CHFR: variants seen among roughly 807,000 people sequenced by gnomAD.
CHFR encodes E3 ubiquitin-protein ligase CHFR.
Under a neutral mutation model 87.6 loss-of-function variants are expected in CHFR, and 57 were observed. That is an observed-to-expected ratio of 0.65 (90% CI 0.53 to 0.81). The LOEUF (loss-of-function observed/expected upper bound fraction) is 0.81, where lower values mean the gene tolerates loss of function less well. Among genes scored for constraint, CHFR ranks in the 30% least tolerant of loss-of-function variants. CHFR has a pLI of 0.00. For missense variants in CHFR, 797 were observed against 865.8 expected, an observed-to-expected ratio of 0.92 and a Z score of 1.00; for synonymous variants, 381 against 359.2, an observed-to-expected ratio of 1.06 and a Z score of -0.69.
At position 132,861,571 on chromosome 12, in the gene CHFR, G is replaced by A. The variant is rs780945230; in HGVS notation, c.647C>T (p.Ser216Phe). 7 of 1,614,110 alleles carry A rather than the reference G, an allele frequency of 4.3e-6. No individual in the cohort carries two copies. Among genetic ancestry groups the A allele is most frequent in the East Asian group, 2.2e-5 (1 of 44,888 alleles). ...SGPSVASDEV[S>F]SFASALPDRK... ...GTCTGGGAGAGCTGAGGCAAAGCTG[G>A]AGACTTCATCACTTGCCACAGAGGG... Residue 216 changes from serine (S) to phenylalanine (F), a missense_variant, in exon 7 of 18, where the codon TCC (serine) becomes TTC (phenylalanine). Physicochemically the swap from Ser to Phe is radical, Grantham distance 155. Transcript: ENST00000450056.
intron 6 of CHFR, among the ~76,000 whole-genome samples, 165 bp downstream of exon 6, chr12:132,869,454 A>G (rs1951434351): frequency 6.6e-6 from 1 of 152,150 alleles, no homozygotes; most frequent in Admixed American, 6.5e-5. Flanking sequence ...TTCTCTTGGG[A>G]AGTGAAGGGA....
At chr12:132,862,667 C>A (rs1328257429) in intron 6 of CHFR, among the ~76,000 whole-genome samples, 1 of 151,858 alleles carries the variant, frequency 6.6e-6, no homozygotes, top group Non-Finnish European at 1.5e-5. Context: ...GCAAGCTCCG[C>A]CTCCTGGGTT....
At chr12:132,856,655 A>G in intron 9 of CHFR, 25 bp from the exon 10 acceptor site, 1 of 1,610,986 alleles carries the variant, frequency 6.2e-7, no homozygotes, top group Non-Finnish European at 8.5e-7. Context: ...ACACAGCGCC[A>G]TTCACCGGCA....
intron 6 of CHFR, among the ~76,000 whole-genome samples, chr12:132,864,146 T>A (rs1328196396): frequency 1.3e-5 from 2 of 151,008 alleles, no homozygotes; most frequent in African/African-American, 2.4e-5. Context: ...ATATCTAGCT[T>A]ACAGTATTCA....
At chr12:132,857,118 G>C (rs570201098) in intron 9 of CHFR, among the ~76,000 whole-genome samples, 1 of 134,026 alleles carries the variant, frequency 7.5e-6, no homozygotes, top group African/African-American at 2.9e-5. Flanking sequence ...TCACGTGCCC[G>C]GGTGCTGGTG....
chr12:132,842,791 G>A (rs1312722509), intron 17 of CHFR, among the ~76,000 whole-genome samples: 2 of 152,198 alleles, frequency 1.3e-5, no homozygotes, highest in Non-Finnish European at 2.9e-5. Context: ...TCAGACAACA[G>A]ATAAAGCTAC....
At chr12:132,886,707 A>T (rs1159620319) in intron 2 of CHFR, among the ~76,000 whole-genome samples, 1 of 152,182 alleles carries the variant, frequency 6.6e-6, no homozygotes, top group Admixed American at 6.5e-5. Context: ...TAAGCACTAC[A>T]GCTATAAATT....
At chr12:132,853,597 C>A in intron 10 of CHFR, 24 bp from the exon 11 acceptor site, 1 of 1,518,258 alleles carries the variant, frequency 6.6e-7, no homozygotes, top group South Asian at 1.2e-5. Flanking sequence ...CAGGGCCGAG[C>A]TGTGTGCAGG....
rs373367991 is a variant in CHFR at position 132,885,496 on chromosome 12, A to G, written c.133+1700T>C. Among the ~76,000 whole-genome samples, 36 of 152,256 alleles carry G rather than the reference A, an allele frequency of 2.4e-4. 2 individuals carry two copies. The highest frequency in any genetic ancestry group is 6.8e-3 in the Middle Eastern group (2 of 294). On this transcript the variant is annotated intron_variant, in intron 2 of 17. Coordinates refer to ENST00000450056, the MANE Select transcript of CHFR (RefSeq NM_001161346.2). The stretch of plus-strand genomic sequence containing the variant: ...GCCACCCAGAATGTAGTATTTTGCT[A>G]TGGTAGTATGAACAAACTAATACAA...
Position 132,844,018 on chromosome 12 carries a change from G to C in CHFR, c.1843+9C>G, listed in dbSNP as rs1950756541. ...AACTAGAGCCATGAGGAAGTCGGGG[G>C]CTCCTTACCTGGCAACTCGGAAGCA... is the stretch of plus-strand genomic sequence containing the variant. On this transcript the variant is annotated intron_variant, in intron 16 of 17. Coordinates refer to ENST00000450056, the MANE Select transcript of CHFR (RefSeq NM_001161346.2). 6.3e-7 allele frequency: 1 copy of C among 1,585,430 alleles called. No homozygotes were observed. Among genetic ancestry groups the C allele is most frequent in the Non-Finnish European group, 8.7e-7 (1 of 1,154,006 alleles).
chr12:132,846,566 G>A (rs1025930681), intron 15 of CHFR, among the ~76,000 whole-genome samples: 2 of 151,234 alleles, frequency 1.3e-5, no homozygotes, highest in South Asian at 2.1e-4. Flanking sequence ...CACCACACCC[G>A]GCCCACGCTC....
intron 15 of CHFR, 79 bp downstream of exon 15, chr12:132,846,964 T>C (rs1276124976): frequency 2.0e-6 from 2 of 1,005,656 alleles, no homozygotes; most frequent in Admixed American, 1.8e-5. Context: ...GTCGGAGTTG[T>C]CACTGGGAGA....
chr12:132,864,061 G>A (rs541345009), intron 6 of CHFR, among the ~76,000 whole-genome samples: 1 of 152,142 alleles, frequency 6.6e-6, no homozygotes, highest in African/African-American at 2.4e-5. Flanking sequence ...AGGATTACAG[G>A]TGTGAATAAG....
intron 3 of CHFR, 62 bp downstream of exon 3, chr12:132,877,493 C>T: frequency 8.7e-7 from 1 of 1,148,974 alleles, no homozygotes; most frequent in Non-Finnish European, 1.3e-6. Flanking sequence ...CAGCACAGAG[C>T]ACGAAGTCAG....
At position 132,859,243 on chromosome 12, in the gene CHFR, A is replaced by G; in HGVS notation, c.752-16T>C. The G allele has an allele frequency of 1.2e-6, 2 of 1,608,442 alleles. No individual in the cohort carries two copies. Among genetic ancestry groups the G allele is most frequent in the African/African-American group, 2.7e-5 (2 of 74,930 alleles). On this transcript the variant is annotated splice_polypyrimidine_tract_variant and intron_variant, in intron 7 of 17. Coordinates refer to ENST00000450056, the MANE Select transcript of CHFR (RefSeq NM_001161346.2). The stretch of plus-strand genomic sequence containing the variant: ...AGGTCCCCATCTACAGGAGAAAGGG[A>G]TGTGTTCTGTCGTAACCAAGAAGGA...
At chr12:132,846,973 G>C in intron 15 of CHFR, 70 bp downstream of exon 15, 1 of 1,096,348 alleles carries the variant, frequency 9.1e-7, no homozygotes, top group Non-Finnish European at 1.4e-6. Context: ...GTCACTGGGA[G>C]AGCAGACACG....
At chr12:132,869,892 G>A in intron 5 of CHFR, 94 bp from the exon 6 acceptor site, 2 of 1,394,568 alleles carry the variant, frequency 1.4e-6, no homozygotes, top group Non-Finnish European at 2.0e-6. Context: ...GACACTCTAG[G>A]GATTGAAATG....
intron 6 of CHFR, among the ~76,000 whole-genome samples, chr12:132,863,235 C>T (rs1423025215): frequency 1.4e-4 from 21 of 149,610 alleles, no homozygotes; most frequent in South Asian, 1.3e-3. Flanking sequence ...ATGCCAGGCG[C>T]GGTGGCTCAT....
chr12:132,844,997 C>T (rs1404669868), intron 15 of CHFR, among the ~76,000 whole-genome samples: 1 of 152,112 alleles, frequency 6.6e-6, no homozygotes, highest in East Asian at 1.9e-4. Flanking sequence ...AGAAAATTAG[C>T]TATTTCTAAG....
Sources: gnomAD v4.1 joint callset for allele counts (sites outside exome capture counted in the v4.1 genomes callset) on GRCh38, gnomAD v4.1.1 for gene constraint, MANE v1.5 for transcripts, NCBI Gene and HGNC (gene_info 2026-07-23, HGNC 2026-07-21) for gene names.